ANO1: variants seen among roughly 807,000 people sequenced by gnomAD.
ANO1 encodes the protein anoctamin-1.
Under a neutral mutation model 124.0 loss-of-function variants are expected in ANO1, and 59 were observed. That is an observed-to-expected ratio of 0.48 (90% CI 0.39 to 0.59). The LOEUF (loss-of-function observed/expected upper bound fraction) is 0.59, where lower values mean the gene tolerates loss of function less well. ANO1 is among the 20% of genes least tolerant of loss of function. ANO1 has a pLI of 0.00. For synonymous variants in ANO1, 529 were observed against 532.0 expected, an observed-to-expected ratio of 0.99 and a Z score of 0.08; for missense variants, 1,059 against 1,328.0, an observed-to-expected ratio of 0.80 and a Z score of 3.15.
chr11:70,124,736 G>C (rs762610137), intron 9 of ANO1, among the ~76,000 whole-genome samples: 1 of 152,188 alleles, frequency 6.6e-6, no homozygotes, highest in Non-Finnish European at 1.5e-5. Flanking sequence ...GGAAAGAGCT[G>C]CCTCAAATGT....
At chr11:69,966,560 C>T in the ANO1 span, among the ~76,000 whole-genome samples, 1 of 152,028 alleles carries the variant, frequency 6.6e-6, no homozygotes, top group Non-Finnish European at 1.5e-5. Context: ...AGCCCGAGGC[C>T]GGCATGTGGG....
At chr11:70,158,150 C>T (rs184577565) in intron 16 of ANO1, among the ~76,000 whole-genome samples, 1 of 152,330 alleles carries the variant, frequency 6.6e-6, no homozygotes, top group Admixed American at 6.5e-5. Flanking sequence ...TAGTGCTACT[C>T]AGGGACCACA....
At chr11:70,106,910 TTAGACCTTTGGCCTG>T (rs1244533348) in intron 5 of ANO1, among the ~76,000 whole-genome samples, 3 of 152,166 alleles carry the variant, frequency 2.0e-5, no homozygotes, top group Non-Finnish European at 2.9e-5. Context: ...GTCTTGGATT[TTAGACCTTTGGCCTG>T]TGGGCGCTGG....
chr11:70,103,241 C>T (rs768964547), intron 3 of ANO1, 77 bp downstream of exon 3: 35 of 1,171,154 alleles, frequency 3.0e-5, no homozygotes, highest in Middle Eastern at 2.0e-4. Context: ...TGAAACATGC[C>T]GACCTCGAGG....
chr11:70,117,711 G>A (rs1270829357), intron 8 of ANO1, among the ~76,000 whole-genome samples: 1 of 152,086 alleles, frequency 6.6e-6, no homozygotes, highest in Non-Finnish European at 1.5e-5. Flanking sequence ...CCTTCCACAG[G>A]TGGTGGGTAG....
intron 11 of ANO1, among the ~76,000 whole-genome samples, chr11:70,142,603 C>T (rs529683835): frequency 1.3e-5 from 2 of 152,298 alleles, no homozygotes; most frequent in Admixed American, 6.5e-5. Flanking sequence ...GCAAACATTG[C>T]ACTTCTCGGG....
Position 70,187,951 on chromosome 11 carries a change from G to A in ANO1, c.2908G>A (p.Asp970Asn), listed in dbSNP as rs2049200658. 2 of 1,577,400 alleles carry A rather than the reference G, an allele frequency of 1.3e-6. No homozygotes were observed. Among genetic ancestry groups the A allele is most frequent in the Non-Finnish European group, 1.7e-6 (2 of 1,162,370 alleles). The stretch of plus-strand genomic sequence containing the variant: ...CCACCACAACACCAAAGCCTGCCCA[G>A]ACAGCCTCGGCAGCCCAGCCCCCAG... Reference protein sequence around the residue: ...CNHHNTKACPDSLGSPAPSHA... With the variant: ...CNHHNTKACPNSLGSPAPSHA... The change falls in exon 26 of 26, where the codon GAC becomes AAC. Residue 970 changes from aspartate to asparagine, a missense_variant. Coordinates refer to ENST00000355303, the MANE Select transcript of ANO1 (RefSeq NM_018043.7).
intron 1 of ANO1, among the ~76,000 whole-genome samples, chr11:70,065,685 G>A (rs986026063): frequency 2.0e-5 from 3 of 146,534 alleles, no homozygotes; most frequent in East Asian, 2.0e-4. Context: ...CTTGTCCCCC[G>A]TCGTCCCCCT....
intron 1 of ANO1, among the ~76,000 whole-genome samples, chr11:69,992,567 G>T (rs1038079456): frequency 2.0e-5 from 3 of 152,162 alleles, no homozygotes; most frequent in Non-Finnish European, 4.4e-5. Context: ...GATGCTGAGA[G>T]AAAAGGCCTA....
intron 1 of ANO1, among the ~76,000 whole-genome samples, chr11:70,029,904 TC>T (rs1283680736): frequency 5.3e-5 from 8 of 152,172 alleles, no homozygotes; most frequent in Admixed American, 1.3e-4. Context: ...GTGTCCTGTG[TC>T]CAAATTTCCC....
intron 1 of ANO1, among the ~76,000 whole-genome samples, chr11:70,068,913 C>T (rs961357025): frequency 1.3e-5 from 2 of 152,174 alleles, no homozygotes; most frequent in African/African-American, 4.8e-5. Context: ...GCTGATGGTC[C>T]CCAATGTCAC....
chr11:70,036,964 G>A (rs1591049570), intron 1 of ANO1, among the ~76,000 whole-genome samples: 1 of 152,328 alleles, frequency 6.6e-6, no homozygotes, highest in Non-Finnish European at 1.5e-5. Flanking sequence ...CATGTCTCAG[G>A]CATGTCTGTG....
chr11:70,161,602 C>T lies in ANO1; in HGVS notation c.1781-20C>T. 1 of 1,611,576 alleles carries T rather than the reference C, an allele frequency of 6.2e-7. No homozygotes were observed. Among genetic ancestry groups the T allele is most frequent in the Non-Finnish European group, 8.5e-7 (1 of 1,177,682 alleles). The stretch of plus-strand genomic sequence containing the variant: ...GCCATCCCAGCCACAGCCTCAGTAT[C>T]ATCCTACCCCTCCCTCTAGAGGTCC... On this transcript the variant is annotated intron_variant, in intron 17 of 25. Transcript: ENST00000355303.
At position 70,110,977 on chromosome 11, in the gene ANO1, A is replaced by T. The variant is rs1019037966; in HGVS notation, c.800-730A>T. ...AGTGCAGGCCCTGGGGGCCACGTAA[A>T]AAGGGGCCCTGCCAGCATTCCACTG... On this transcript the variant is annotated intron_variant, in intron 6 of 25. Transcript: ENST00000355303. 3.2e-4 allele frequency: 117 copies of T among 365,092 alleles called. 1 individual carries two copies. Among genetic ancestry groups the T allele is most frequent in the Non-Finnish European group, 8.1e-5 (15 of 184,652 alleles). 22.6% of individuals were successfully genotyped at this position (365,092 alleles called of 1,614,324 possible).
chr11:69,999,419 C>T (rs1373508163), intron 1 of ANO1, among the ~76,000 whole-genome samples: 1 of 152,194 alleles, frequency 6.6e-6, no homozygotes, highest in South Asian at 2.1e-4. Context: ...GTGGGGACGA[C>T]ATTTCGATAT....
At chr11:70,085,408 C>T (rs1266434808) in intron 1 of ANO1, 19 of 1,512,142 alleles carry the variant, frequency 1.3e-5, no homozygotes, top group South Asian at 4.9e-5. Flanking sequence ...GCAAGGTGGG[C>T]GGGGCACGCA....
intron 2 of ANO1, among the ~76,000 whole-genome samples, chr11:70,089,358 C>T (rs1284520094): frequency 6.6e-6 from 1 of 152,166 alleles, no homozygotes; most frequent in Non-Finnish European, 1.5e-5. Flanking sequence ...AGAATGTCCT[C>T]GGAGTATTTA....
chr11:70,133,212 CAG>C (rs2046829674), intron 11 of ANO1, among the ~76,000 whole-genome samples: 1 of 152,312 alleles, frequency 6.6e-6, no homozygotes, highest in East Asian at 1.9e-4. Flanking sequence ...CCAGTGAGGA[CAG>C]AGGCCAGCCA....
At chr11:70,166,658 T>A (rs138015228) in intron 20 of ANO1, among the ~76,000 whole-genome samples, 27 of 152,224 alleles carry the variant, frequency 1.8e-4, no homozygotes, top group Non-Finnish European at 3.7e-4. Context: ...TCCACTGTTC[T>A]TGTGTCCCTG....
Sources: allele counts gnomAD v4.1 joint callset (sites outside exome capture counted in the v4.1 genomes callset), GRCh38; gene constraint gnomAD v4.1.1; transcripts MANE v1.5; gene names NCBI Gene and HGNC (gene_info 2026-07-23, HGNC 2026-07-21).